The following MOB3B variants were observed in gnomAD, a reference collection of about 807,000 sequenced individuals.
MOB3B encodes the protein MOB kinase activator 3B, also known as MOB kinase activator-like 2B.
A neutral mutation model predicts 18.7 loss-of-function variants in MOB3B; 7 were observed. The observed-to-expected ratio is 0.37, with a 90% CI of 0.21 to 0.70. MOB3B has a LOEUF of 0.70. Ranked by LOEUF, MOB3B falls within the 30% of genes least tolerant of loss-of-function variation. The pLI is 0.52. For missense variants in MOB3B, 253 were observed against 281.3 expected, an observed-to-expected ratio of 0.90 and a Z score of 0.72; for synonymous variants, 111 against 99.9, an observed-to-expected ratio of 1.11 and a Z score of -0.66.
chr9:27,378,017 T>A (rs539778076), intron 2 of MOB3B, among the ~76,000 whole-genome samples: 14 of 152,346 alleles, frequency 9.2e-5, no homozygotes, highest in African/African-American at 3.4e-4. Flanking sequence ...CATCAATCAC[T>A]TAGACTAAGA....
chr9:27,455,656 C>A lies in MOB3B; in HGVS notation c.-106G>T, dbSNP rs901965577. On this transcript the variant is annotated 5_prime_UTR_variant, in exon 2 of 4. Transcript: ENST00000262244. ...GTGTTTTCCACTGCCAGCACTCAGG[C>A]CCCAGTCTTACAGCCTGTAGCTTTT... is the stretch of plus-strand genomic sequence containing the variant. 6.4e-7 allele frequency: 1 copy of A among 1,563,938 alleles called. No individual in the cohort carries two copies. The highest frequency in any genetic ancestry group is 8.6e-7 in the Non-Finnish European group (1 of 1,163,552).
intron 2 of MOB3B, among the ~76,000 whole-genome samples, chr9:27,442,404 G>A (rs181071895): frequency 2.8e-4 from 42 of 152,272 alleles, no homozygotes; most frequent in Non-Finnish European, 4.4e-4. Flanking sequence ...ATTTATTTGC[G>A]TTTTATCTGT....
At chr9:27,364,428 G>A (rs1219653663) in intron 2 of MOB3B, among the ~76,000 whole-genome samples, 2 of 152,166 alleles carry the variant, frequency 1.3e-5, no homozygotes, top group Non-Finnish European at 2.9e-5. Flanking sequence ...TGGCAAAAAT[G>A]CTGTTTTCAT....
At chr9:27,468,885 G>T (rs1331582882) in intron 1 of MOB3B, among the ~76,000 whole-genome samples, 3 of 152,182 alleles carry the variant, frequency 2.0e-5, no homozygotes, top group Non-Finnish European at 4.4e-5. Flanking sequence ...TACTGGACAT[G>T]ATGTTTCCCA....
chr9:27,521,638 T>G (rs549439949), intron 1 of MOB3B, among the ~76,000 whole-genome samples: 2 of 152,320 alleles, frequency 1.3e-5, no homozygotes, highest in South Asian at 4.1e-4. Context: ...AGAAGTTATA[T>G]GAGGTATGTA....
At chr9:27,446,054 C>T (rs1563870683) in intron 2 of MOB3B, among the ~76,000 whole-genome samples, 4 of 152,092 alleles carry the variant, frequency 2.6e-5, no homozygotes, top group East Asian at 1.9e-4. Context: ...GTCTCTGTGA[C>T]GACGAATGTT....
In MOB3B at chr9:27,328,285, G is replaced by C. The variant is rs1480259592; in HGVS notation, c.*2302C>G. The C allele has an allele frequency of 6.6e-6, 1 of 151,868 alleles. No homozygotes were observed. The highest frequency in any genetic ancestry group is 1.5e-5 in the Non-Finnish European group (1 of 67,976). The allele number at this position is 151,868 out of a possible 1,614,324, so 9.4% of individuals were successfully genotyped here. ...GAGGGCTGAAGCTCCATTTATAACAGAGATGAACAGTTAGATGCAGTCAAG... is the reference window on the plus strand; with the variant it reads ...GAGGGCTGAAGCTCCATTTATAACACAGATGAACAGTTAGATGCAGTCAAG... On this transcript the variant is annotated 3_prime_UTR_variant, in exon 4 of 4. Coordinates refer to ENST00000262244, the MANE Select transcript of MOB3B (RefSeq NM_024761.5).
Position 27,394,698 on chromosome 9 carries a change from G to A in MOB3B, c.419-35462C>T, listed in dbSNP as rs114059210. Among the ~76,000 whole-genome samples the A allele has an allele frequency of 6.4e-3, 969 of 152,312 alleles. 7 individuals are homozygous for A. Among genetic ancestry groups the A allele is most frequent in the African/African-American group, 0.023 (944 of 41,574 alleles). Reference sequence around the variant, plus strand: ...ACAATAGAGTCCTTTATAAACAAAGGAGTAGGTGGCAGAGAAGTAATTAAC... The same window carrying A: ...ACAATAGAGTCCTTTATAAACAAAGAAGTAGGTGGCAGAGAAGTAATTAAC... On this transcript the variant is annotated intron_variant, in intron 2 of 3. Transcript: ENST00000262244.
intron 2 of MOB3B, among the ~76,000 whole-genome samples, chr9:27,369,202 G>T (rs973604678): frequency 3.3e-5 from 5 of 152,214 alleles, no homozygotes; most frequent in African/African-American, 1.2e-4. Flanking sequence ...ACACCTTCTG[G>T]TTTTTTTCAT....
chr9:27,327,063 T>C lies in MOB3B; in HGVS notation c.*3524A>G, dbSNP rs1459319167. ...CTACAGGGAGCATACAAATCCTCAC[T>C]TGCCCATGCTCTCACGTATTGCCTG... On this transcript the variant is annotated 3_prime_UTR_variant, in exon 4 of 4. Transcript: ENST00000262244. 1 of 152,494 alleles carries C rather than the reference T, an allele frequency of 6.6e-6. No homozygotes were observed. Among genetic ancestry groups the C allele is most frequent in the Non-Finnish European group, 1.5e-5 (1 of 68,226 alleles). 9.4% of individuals were successfully genotyped at this position (152,494 alleles called of 1,614,324 possible).
At chr9:27,418,844 AAAG>A (rs1482450232) in intron 2 of MOB3B, among the ~76,000 whole-genome samples, 1 of 152,186 alleles carries the variant, frequency 6.6e-6, no homozygotes, top group African/African-American at 2.4e-5. Flanking sequence ...CCAAATCGGT[AAAG>A]AAGAAGTCAA....
rs772287838 is a variant in MOB3B, at chr9:27,455,269, G to C, written c.282C>G (p.Pro94=). The change falls in exon 2 of 4, where the codon CCC becomes CCG. Residue 94 remains proline, a synonymous_variant. Transcript: ENST00000262244. ...CATCCTGCCACCGATACTCATATTT[G>C]GGGCCCCCTGACATCACAGGACAGG... ...ERTCPVMSGG[P]KYEYRWQDDL... 1 of 1,614,042 alleles carries C rather than the reference G, an allele frequency of 6.2e-7. No homozygotes were observed. The highest frequency in any genetic ancestry group is 1.1e-5 in the South Asian group (1 of 91,058).
intron 2 of MOB3B, 143 bp from the exon 3 acceptor site, chr9:27,359,379 G>C (rs576247901): frequency 3.3e-5 from 6 of 183,848 alleles, no homozygotes; most frequent in Middle Eastern, 1.5e-3. Context: ...GTGTGTGTGT[G>C]GGGGGGGGGG....
intron 2 of MOB3B, among the ~76,000 whole-genome samples, chr9:27,388,613 C>G (rs1356799674): frequency 6.6e-6 from 1 of 152,028 alleles, no homozygotes; most frequent in Admixed American, 6.6e-5. Context: ...ACCTCGCCAC[C>G]CCCAACCATT....
At chr9:27,370,459 T>A (rs139227588) in intron 2 of MOB3B, among the ~76,000 whole-genome samples, 21 of 146,448 alleles carry the variant, frequency 1.4e-4, no homozygotes, top group Admixed American at 7.0e-4. Context: ...GGTGAGCCAA[T>A]ATTGTACCAT....
At chr9:27,465,737 C>A (rs1188216662) in intron 1 of MOB3B, among the ~76,000 whole-genome samples, 1 of 152,204 alleles carries the variant, frequency 6.6e-6, no homozygotes, top group Non-Finnish European at 1.5e-5. Context: ...GACTTCTGTG[C>A]ACCCACAGGC....
intron 1 of MOB3B, among the ~76,000 whole-genome samples, chr9:27,500,865 T>C (rs1249497119): frequency 6.6e-6 from 1 of 152,162 alleles, no homozygotes; most frequent in African/African-American, 2.4e-5. Flanking sequence ...AAAGGGTTAA[T>C]ATTCAGAATC....
In MOB3B at chr9:27,326,894, A is replaced by T; in HGVS notation, c.*3693T>A. The T allele has an allele frequency of 4.2e-6, 1 of 240,402 alleles. No individual in the cohort carries two copies. The allele number at this position is 240,402 out of a possible 1,614,324, so 14.9% of individuals were successfully genotyped here. On this transcript the variant is annotated 3_prime_UTR_variant, in exon 4 of 4. Coordinates refer to ENST00000262244, the MANE Select transcript of MOB3B (RefSeq NM_024761.5). ...ACTTGTGATCCTTTGGAGGGTCACA[A>T]CTCACTGTACTATCTAAGAGTTTTC...
At chr9:27,402,057 C>G (rs1821893568) in intron 2 of MOB3B, among the ~76,000 whole-genome samples, 1 of 152,186 alleles carries the variant, frequency 6.6e-6, no homozygotes, top group African/African-American at 2.4e-5. Flanking sequence ...GGGAAATACA[C>G]CTAACTTCTC....
Sources: allele counts gnomAD v4.1 joint callset (sites outside exome capture counted in the v4.1 genomes callset), GRCh38; gene constraint gnomAD v4.1.1; transcripts MANE v1.5; gene names NCBI Gene and HGNC (gene_info 2026-07-23, HGNC 2026-07-21).